Variants in SERINC5 observed in about 807,000 individuals in gnomAD.
SERINC5 encodes chromosome 5 open reading frame 12.
Under a neutral mutation model 63.1 loss-of-function variants are expected in SERINC5, and 41 were observed. The observed-to-expected ratio is 0.65, with a 90% CI of 0.51 to 0.84. The LOEUF is 0.84. Ranked by LOEUF, SERINC5 falls within the 40% of genes least tolerant of loss-of-function variation. SERINC5 has a pLI of 0.00. For synonymous variants in SERINC5, 222 were observed against 215.2 expected, an observed-to-expected ratio of 1.03 and a Z score of -0.28; for missense variants, 523 against 573.0, an observed-to-expected ratio of 0.91 and a Z score of 0.89.
At chr5:80,214,691 G>A (rs6872053) in intron 1 of SERINC5, among the ~76,000 whole-genome samples, 28,150 of 152,106 alleles carry the variant, frequency 0.19, 3,224 homozygotes, top group African/African-American at 0.32. Context: ...GAGGCTATGA[G>A]TTGGAGACCA....
chr5:80,210,277 A>G (rs1750375370), intron 1 of SERINC5, among the ~76,000 whole-genome samples: 1 of 152,178 alleles, frequency 6.6e-6, no homozygotes, highest in African/African-American at 2.4e-5. Context: ...TTGCCGGGGC[A>G]AAGAATCAAA....
intron 2 of SERINC5, among the ~76,000 whole-genome samples, chr5:80,185,739 CG>C (rs961560511): frequency 1.3e-5 from 2 of 151,954 alleles, no homozygotes; most frequent in African/African-American, 2.4e-5. Context: ...TTTTTGACCC[CG>C]GATGAGTCAG....
rs1461440340 is a variant in SERINC5 at position 80,112,542 on chromosome 5, G to A, written c.*30-840C>T. Reference sequence around the variant, plus strand: ...CCGTATGCTGAGCGCCAGTCTGCTGGGCCCACTGTTCTTTCTCTATACTTT... The same window carrying A: ...CCGTATGCTGAGCGCCAGTCTGCTGAGCCCACTGTTCTTTCTCTATACTTT... On this transcript the variant is annotated intron_variant, in intron 12 of 12. Transcript: ENST00000509193. Among the ~76,000 whole-genome samples the A allele has an allele frequency of 3.9e-5, 6 of 152,038 alleles. No individual in the cohort carries two copies. In the South Asian group the frequency reaches 1.0e-3, roughly 26 times the overall value.
intron 5 of SERINC5, among the ~76,000 whole-genome samples, chr5:80,173,458 T>C (rs1327758318): frequency 1.3e-5 from 2 of 152,004 alleles, no homozygotes; most frequent in Non-Finnish European, 2.9e-5. Context: ...TAGCCGGGCA[T>C]GGTGGCAGGC....
intron 2 of SERINC5, among the ~76,000 whole-genome samples, chr5:80,194,616 T>C (rs578155370): frequency 1.3e-5 from 2 of 152,314 alleles, no homozygotes; most frequent in South Asian, 4.1e-4. Flanking sequence ...AGCTCAGCTT[T>C]TGGTCATCAC....
intron 1 of SERINC5, chr5:80,203,259 T>C (rs376775531): frequency 0.014 from 3,484 of 248,650 alleles, 59 homozygotes; most frequent in South Asian, 0.032. Flanking sequence ...TATATACACA[T>C]ATATATATAT....
chr5:80,170,162 A>G (rs549752230), intron 5 of SERINC5, among the ~76,000 whole-genome samples: 34 of 152,298 alleles, frequency 2.2e-4, no homozygotes, highest in African/African-American at 7.2e-4. Context: ...AAGCAGAGAA[A>G]TGACTGCTGT....
intron 7 of SERINC5, among the ~76,000 whole-genome samples, chr5:80,162,110 G>A (rs994993984): frequency 6.6e-6 from 1 of 152,106 alleles, no homozygotes. Context: ...CTGTAGCTTT[G>A]TAGCATAATT....
intron 7 of SERINC5, among the ~76,000 whole-genome samples, chr5:80,165,176 T>G (rs2091901472): frequency 6.6e-6 from 1 of 152,050 alleles, no homozygotes; most frequent in African/African-American, 2.4e-5. Context: ...TTATGTAAAC[T>G]TACAGAGTCA....
At chr5:80,211,681 G>T (rs577982151) in intron 1 of SERINC5, among the ~76,000 whole-genome samples, 1 of 152,298 alleles carries the variant, frequency 6.6e-6, no homozygotes, top group East Asian at 1.9e-4. Flanking sequence ...AATAAACTAA[G>T]TTGATGTGAA....
Position 80,175,062 on chromosome 5 carries a change from G to C in SERINC5, c.458-15C>G. On this transcript the variant is annotated splice_polypyrimidine_tract_variant and intron_variant, in intron 4 of 11. Transcript: ENST00000507668. ...ATAGCGCCAGGCTGCAAAAGACCAT[G>C]AAGAACACAATGAGGCAACCTTTCG... 6.4e-7 allele frequency: 1 copy of C among 1,554,644 alleles called. No individual in the cohort carries two copies.
chr5:80,159,040 AATT>A, intron 7 of SERINC5, 78 bp from the exon 8 acceptor site: 1 of 1,494,774 alleles, frequency 6.7e-7, no homozygotes, highest in Non-Finnish European at 9.2e-7. Context: ...ATTTTGGGAA[AATT>A]CAGGTAGCTG....
chr5:80,238,068 C>A (rs1186186995), intron 1 of SERINC5, among the ~76,000 whole-genome samples: 12 of 142,392 alleles, frequency 8.4e-5, no homozygotes, highest in African/African-American at 3.2e-4. Flanking sequence ...CGCACCACTG[C>A]ACTCCAGCCT....
chr5:80,165,843 A>G (rs1747258790), intron 7 of SERINC5, among the ~76,000 whole-genome samples: 1 of 152,232 alleles, frequency 6.6e-6, no homozygotes, highest in Non-Finnish European at 1.5e-5. Flanking sequence ...ACACACCAGG[A>G]AGAATCGAAA....
chr5:80,214,889 C>T (rs1427547338), intron 1 of SERINC5, among the ~76,000 whole-genome samples: 1 of 152,108 alleles, frequency 6.6e-6, no homozygotes, highest in African/African-American at 2.4e-5. Context: ...GAGACTGAAA[C>T]TCCATCTCAA....
chr5:80,123,917 G>A (rs545786201), intron 11 of SERINC5, among the ~76,000 whole-genome samples: 3 of 152,212 alleles, frequency 2.0e-5, no homozygotes, highest in South Asian at 2.1e-4. Flanking sequence ...CTCCCTTTCC[G>A]AAAGCTGAAA....
intron 1 of SERINC5, among the ~76,000 whole-genome samples, chr5:80,208,982 A>G (rs1750305906): frequency 6.6e-6 from 1 of 152,228 alleles, no homozygotes; most frequent in Non-Finnish European, 1.5e-5. Context: ...AAAGGTAATT[A>G]AGGTTAGACC....
intron 8 of SERINC5, 111 bp from the exon 9 acceptor site, chr5:80,151,059 C>T (rs1034038081): frequency 3.5e-5 from 27 of 775,942 alleles, no homozygotes; most frequent in Middle Eastern, 3.2e-4. Flanking sequence ...TGTAACCTAC[C>T]GTTCAGGAGA....
At chr5:80,201,124 A>C (rs1294663174) in intron 2 of SERINC5, among the ~76,000 whole-genome samples, 1 of 151,804 alleles carries the variant, frequency 6.6e-6, no homozygotes, top group African/African-American at 2.4e-5. Flanking sequence ...AAAATCATCA[A>C]TCAATAAAAA....
Sources: gnomAD v4.1 joint callset for allele counts (sites outside exome capture counted in the v4.1 genomes callset) on GRCh38, gnomAD v4.1.1 for gene constraint, MANE v1.5 for transcripts, NCBI Gene and HGNC (gene_info 2026-07-23, HGNC 2026-07-21) for gene names.